The following CSMD3 variants were observed in gnomAD, a reference collection of about 807,000 sequenced individuals.
CSMD3 encodes the protein CUB and Sushi multiple domains 3, also known as CUB and sushi domain-containing protein 3.
CSMD3 carries 177 observed loss-of-function variants against 435.2 expected under a neutral mutation model. That is an observed-to-expected ratio of 0.41 (90% CI 0.36 to 0.46). CSMD3 has a LOEUF of 0.46. Among genes scored for constraint, CSMD3 ranks in the 20% least tolerant of loss-of-function variants. CSMD3 has a pLI of 0.34. For missense variants in CSMD3, 4,265 were observed against 4,504.6 expected, an observed-to-expected ratio of 0.95 and a Z score of 1.52; for synonymous variants, 1,656 against 1,520.5, an observed-to-expected ratio of 1.09 and a Z score of -2.07.
At chr8:112,752,560 C>T (rs1475191107) in intron 13 of CSMD3, among the ~76,000 whole-genome samples, 3 of 152,074 alleles carry the variant, frequency 2.0e-5, no homozygotes, top group African/African-American at 7.2e-5. Context: ...CATCATATTG[C>T]AAAGTGAGGA....
intron 3 of CSMD3, among the ~76,000 whole-genome samples, chr8:113,212,375 T>G (rs924105356): frequency 9.9e-5 from 15 of 152,182 alleles, no homozygotes; most frequent in African/African-American, 3.4e-4. Flanking sequence ...AGTACAAGTT[T>G]AATTCATTTG....
intron 1 of CSMD3, among the ~76,000 whole-genome samples, chr8:113,400,379 G>A (rs914712187): frequency 2.0e-5 from 3 of 151,894 alleles, no homozygotes; most frequent in Non-Finnish European, 2.9e-5. Flanking sequence ...TACTAGGGAC[G>A]CAGAATAAAT....
chr8:112,707,184 G>C (rs1026332464), intron 13 of CSMD3, among the ~76,000 whole-genome samples: 5 of 151,930 alleles, frequency 3.3e-5, no homozygotes, highest in African/African-American at 1.2e-4. Flanking sequence ...TGCTCTTACT[G>C]TATCTACTAG....
At chr8:112,485,478 A>G (rs1820035128) in intron 31 of CSMD3, among the ~76,000 whole-genome samples, 1 of 152,150 alleles carries the variant, frequency 6.6e-6, no homozygotes, top group Admixed American at 6.6e-5. Flanking sequence ...CTCTATATGC[A>G]TTGATAATGG....
At position 112,679,286 on chromosome 8, in the gene CSMD3, C is replaced by T. The variant is rs1449455426; in HGVS notation, c.2677+3156G>A. On this transcript the variant is annotated intron_variant, in intron 16 of 70. Transcript: ENST00000297405. ...AGCAGTCTGCTTTGTTGGGTGGAAA[C>T]TGGCTCAGAGGTGGTTTGGGATAGA... is the stretch of plus-strand genomic sequence containing the variant. 6.6e-5 allele frequency among the ~76,000 whole-genome samples: 10 copies of T among 152,232 alleles called. No homozygotes were observed. In the East Asian group the frequency reaches 1.9e-3, roughly 29 times the overall value.
intron 2 of CSMD3, among the ~76,000 whole-genome samples, chr8:113,290,232 A>T (rs1335239708): frequency 6.6e-6 from 1 of 151,698 alleles, no homozygotes; most frequent in South Asian, 2.1e-4. Flanking sequence ...TACATTTTAC[A>T]TAAAATACAA....
At chr8:113,004,880 A>G (rs1389919994) in intron 6 of CSMD3, among the ~76,000 whole-genome samples, 1 of 151,854 alleles carries the variant, frequency 6.6e-6, no homozygotes, top group Non-Finnish European at 1.5e-5. Context: ...CACTTCTAAA[A>G]ATAATGGTAT....
At chr8:113,294,783 C>T (rs1415298869) in intron 2 of CSMD3, among the ~76,000 whole-genome samples, 1 of 152,054 alleles carries the variant, frequency 6.6e-6, no homozygotes, top group Admixed American at 6.6e-5. Context: ...GACTGACATT[C>T]ACCTTAATAA....
intron 7 of CSMD3, among the ~76,000 whole-genome samples, chr8:112,956,863 A>C (rs983036390): frequency 6.6e-6 from 1 of 152,116 alleles, no homozygotes; most frequent in Admixed American, 6.5e-5. Context: ...ATAATGATAC[A>C]TCTATACTTT....
At chr8:113,415,322 A>T (rs1382417101) in intron 1 of CSMD3, among the ~76,000 whole-genome samples, 1 of 152,220 alleles carries the variant, frequency 6.6e-6, no homozygotes, top group Non-Finnish European at 1.5e-5. Context: ...AGTGAGTAGA[A>T]CTGCACAGCT....
At chr8:112,693,260 G>T (rs1270217442) in intron 13 of CSMD3, among the ~76,000 whole-genome samples, 2 of 152,122 alleles carry the variant, frequency 1.3e-5, no homozygotes. Flanking sequence ...TAAACAGGAA[G>T]TAGTTGTGTT....
At chr8:112,656,995 C>T (rs2075272571) in intron 17 of CSMD3, among the ~76,000 whole-genome samples, 1 of 151,626 alleles carries the variant, frequency 6.6e-6, no homozygotes, top group South Asian at 2.1e-4. Context: ...TATGGTGTAG[C>T]TCATATTATT....
chr8:112,938,645 AC>A (rs2083358615), intron 9 of CSMD3, among the ~76,000 whole-genome samples: 1 of 152,122 alleles, frequency 6.6e-6, no homozygotes, highest in South Asian at 2.1e-4. Flanking sequence ...GGTAGTTTTT[AC>A]TTTTACATTG....
intron 1 of CSMD3, among the ~76,000 whole-genome samples, chr8:113,405,689 G>T (rs2094529575): frequency 6.6e-6 from 1 of 151,662 alleles, no homozygotes; most frequent in Admixed American, 6.6e-5. Flanking sequence ...TCATGCAGAT[G>T]AAAATGTAGG....
intron 7 of CSMD3, 27 bp downstream of exon 7, chr8:112,975,810 G>A (rs892444133): frequency 6.2e-7 from 1 of 1,611,810 alleles, no homozygotes; most frequent in South Asian, 1.1e-5. Context: ...GTAACTAAAT[G>A]GGCACAAGTA....
chr8:113,372,472 A>G (rs1056144486), intron 1 of CSMD3, among the ~76,000 whole-genome samples: 1 of 152,116 alleles, frequency 6.6e-6, no homozygotes, highest in African/African-American at 2.4e-5. Context: ...CTAAATTTCT[A>G]GTGTTTCCTG....
chr8:113,073,736 T>C (rs1435423367), intron 5 of CSMD3, among the ~76,000 whole-genome samples: 4 of 151,848 alleles, frequency 2.6e-5, no homozygotes, highest in Non-Finnish European at 5.9e-5. Context: ...TAGAAAATTT[T>C]AATGACAATA....
At chr8:112,734,531 T>C (rs1366914356) in intron 13 of CSMD3, among the ~76,000 whole-genome samples, 2 of 151,992 alleles carry the variant, frequency 1.3e-5, no homozygotes, top group Non-Finnish European at 2.9e-5. Flanking sequence ...GTGAGACTTT[T>C]GTCTCAGAGA....
intron 22 of CSMD3, among the ~76,000 whole-genome samples, chr8:112,614,073 CA>C (rs1833482297): frequency 6.6e-6 from 1 of 152,060 alleles, no homozygotes; most frequent in African/African-American, 2.4e-5. Flanking sequence ...AGGGGATATT[CA>C]TTAAAAGTCA....
Sources: allele counts gnomAD v4.1 joint callset (sites outside exome capture counted in the v4.1 genomes callset), GRCh38; gene constraint gnomAD v4.1.1; transcripts MANE v1.5; gene names NCBI Gene and HGNC (gene_info 2026-07-23, HGNC 2026-07-21).